Variants in DOCK3 observed in about 807,000 individuals in gnomAD.
The protein encoded by DOCK3 is dedicator of cytokinesis protein 3.
DOCK3 carries 60 observed loss-of-function variants against 265.6 expected under a neutral mutation model. The ratio of observed to expected loss-of-function variants is 0.23; its 90% CI spans 0.18 to 0.28. The LOEUF (loss-of-function observed/expected upper bound fraction) is 0.28. Ranked by LOEUF, DOCK3 falls within the 10% of genes least tolerant of loss-of-function variation. The pLI is 1.00. For synonymous variants in DOCK3, 881 were observed against 938.0 expected (o/e 0.94, Z 1.11); for missense variants, 1,981 against 2,594.3 (o/e 0.76, Z 5.14).
chr3:51,162,461 G>A (rs2086186345), intron 12 of DOCK3, among the ~76,000 whole-genome samples: 1 of 152,130 alleles, frequency 6.6e-6, no homozygotes, highest in African/African-American at 2.4e-5. Context: ...ATCAGTCACA[G>A]GCTTTCTCCA....
chr3:50,918,488 A>T (rs532756056), intron 4 of DOCK3, among the ~76,000 whole-genome samples: 1 of 152,102 alleles, frequency 6.6e-6, no homozygotes, highest in East Asian at 1.9e-4. Flanking sequence ...TGTGGTTTTG[A>T]TTTGCATTTC....
At chr3:51,227,567 C>A in intron 16 of DOCK3, 122 bp downstream of exon 16, 1 of 1,391,178 alleles carries the variant, frequency 7.2e-7, no homozygotes, top group Non-Finnish European at 9.7e-7. Context: ...GAATAAACAG[C>A]TACTCAGAGA....
chr3:51,084,338 G>A (rs1201831958), intron 7 of DOCK3, among the ~76,000 whole-genome samples: 1 of 151,992 alleles, frequency 6.6e-6, no homozygotes, highest in African/African-American at 2.4e-5. Context: ...ACAGTTAAAA[G>A]CATCATGTCA....
chr3:50,769,244 T>C (rs781248337), intron 1 of DOCK3, among the ~76,000 whole-genome samples: 1 of 152,184 alleles, frequency 6.6e-6, no homozygotes, highest in Non-Finnish European at 1.5e-5. Flanking sequence ...TTGTTAAACA[T>C]TTCTGGTCTG....
intron 5 of DOCK3, among the ~76,000 whole-genome samples, chr3:51,016,662 T>A (rs1474288509): frequency 1.6e-5 from 1 of 61,846 alleles, no homozygotes; most frequent in Non-Finnish European, 2.9e-5. Flanking sequence ...TTTATATATA[T>A]TATATGATAT....
intron 4 of DOCK3, among the ~76,000 whole-genome samples, chr3:50,906,413 G>T (rs889401574): frequency 6.6e-6 from 1 of 151,866 alleles, no homozygotes; most frequent in Non-Finnish European, 1.5e-5. Flanking sequence ...TTGGTTGGGA[G>T]GCTATTAATT....
intron 1 of DOCK3, among the ~76,000 whole-genome samples, chr3:50,736,247 A>T (rs996259076): frequency 3.3e-5 from 5 of 152,084 alleles, no homozygotes; most frequent in African/African-American, 1.2e-4. Context: ...TTTTTATGGC[A>T]GCATAGTATT....
intron 5 of DOCK3, among the ~76,000 whole-genome samples, chr3:50,960,664 T>A (rs1471991445): frequency 3.3e-5 from 5 of 152,158 alleles, no homozygotes; most frequent in African/African-American, 9.7e-5. Context: ...TCTTAATACA[T>A]ATTTTAAAGT....
At chr3:50,782,384 G>A (rs1027390070) in intron 2 of DOCK3, among the ~76,000 whole-genome samples, 15 of 137,332 alleles carry the variant, frequency 1.1e-4, no homozygotes, top group Admixed American at 6.9e-4. Flanking sequence ...TCCGCCTCCC[G>A]GGTTCACGCC....
At chr3:51,219,417 A>T (rs1576445716) in intron 14 of DOCK3, among the ~76,000 whole-genome samples, 1 of 152,040 alleles carries the variant, frequency 6.6e-6, no homozygotes, top group African/African-American at 2.4e-5. Flanking sequence ...CATCAGCCTC[A>T]CCTTCTTGGG....
chr3:51,248,972 G>C (rs2078996820), intron 22 of DOCK3, among the ~76,000 whole-genome samples: 1 of 145,558 alleles, frequency 6.9e-6, no homozygotes, highest in Non-Finnish European at 1.5e-5. Context: ...GCCCCTATGA[G>C]AAGTGAGGAG....
At chr3:50,678,970 C>G (rs999391298) in intron 1 of DOCK3, among the ~76,000 whole-genome samples, 1 of 151,980 alleles carries the variant, frequency 6.6e-6, no homozygotes, top group African/African-American at 2.4e-5. Context: ...CCACCATGCC[C>G]GGCTAATTTT....
At chr3:51,088,246 G>C (rs1345500088) in intron 7 of DOCK3, among the ~76,000 whole-genome samples, 1 of 152,188 alleles carries the variant, frequency 6.6e-6, no homozygotes, top group Non-Finnish European at 1.5e-5. Flanking sequence ...GAATAAAAAA[G>C]TGGTTACCAA....
At chr3:50,972,311 T>C (rs953911269) in intron 5 of DOCK3, among the ~76,000 whole-genome samples, 10 of 152,168 alleles carry the variant, frequency 6.6e-5, no homozygotes, top group Non-Finnish European at 1.5e-4. Flanking sequence ...CCTGCAGGAG[T>C]AGCCATGGCT....
At chr3:51,176,464 A>T (rs1452033426) in intron 12 of DOCK3, among the ~76,000 whole-genome samples, 2 of 44,500 alleles carry the variant, frequency 4.5e-5, no homozygotes, top group Non-Finnish European at 1.2e-4. Context: ...AAAAAATAAA[A>T]AAAAAAAAAA....
chr3:50,687,782 C>T (rs1048733785), intron 1 of DOCK3, among the ~76,000 whole-genome samples: 1 of 152,210 alleles, frequency 6.6e-6, no homozygotes, highest in Non-Finnish European at 1.5e-5. Context: ...CATATACTGA[C>T]ACAAAATGAC....
At chr3:51,335,134 A>G (rs575493424) in intron 35 of DOCK3, among the ~76,000 whole-genome samples, 35 of 152,238 alleles carry the variant, frequency 2.3e-4, no homozygotes, top group Admixed American at 9.8e-4. Flanking sequence ...CTCTAATCCC[A>G]TAAGCATCCT....
chr3:50,795,804 A>G (rs1235935942), intron 2 of DOCK3, among the ~76,000 whole-genome samples: 1 of 152,108 alleles, frequency 6.6e-6, no homozygotes, highest in African/African-American at 2.4e-5. Context: ...TGATTGCATT[A>G]TCAAATTCTT....
chr3:51,291,071 C>CT (rs1326880944), intron 27 of DOCK3, among the ~76,000 whole-genome samples: 2 of 152,078 alleles, frequency 1.3e-5, no homozygotes, highest in African/African-American at 4.8e-5. Flanking sequence ...GAGTGAAACT[C>CT]TATCTCAAAA....
Sources: gnomAD v4.1 joint callset for allele counts (sites outside exome capture counted in the v4.1 genomes callset) on GRCh38, gnomAD v4.1.1 for gene constraint, MANE v1.5 for transcripts, NCBI Gene and HGNC (gene_info 2026-07-23, HGNC 2026-07-21) for gene names.